The following KIAA0825 variants were observed in gnomAD, a reference collection of about 807,000 sequenced individuals.
KIAA0825 encodes the protein uncharacterized protein KIAA0825.
A neutral mutation model predicts 147.6 loss-of-function variants in KIAA0825; 119 were observed. The ratio of observed to expected loss-of-function variants is 0.81; its 90% CI spans 0.69 to 0.94. KIAA0825 has a LOEUF of 0.94. Ranked by LOEUF, KIAA0825 falls within the 40% of genes least tolerant of loss-of-function variation. The probability of loss-of-function intolerance (pLI) is 0.00; values close to 1 mark genes in which losing one functional copy is unlikely to be tolerated. For synonymous variants in KIAA0825, 470 were observed against 518.1 expected, an observed-to-expected ratio of 0.91 and a Z score of 1.26; for missense variants, 1,381 against 1,472.7, an observed-to-expected ratio of 0.94 and a Z score of 1.02.
At chr5:94,343,066 C>T (rs1260587224) in intron 20 of KIAA0825, among the ~76,000 whole-genome samples, 15 of 151,868 alleles carry the variant, frequency 9.9e-5, no homozygotes. Flanking sequence ...TTGCAGAAAA[C>T]AAGAGAACAG....
intron 1 of KIAA0825, among the ~76,000 whole-genome samples, chr5:94,597,764 T>A (rs1785571229): frequency 6.6e-6 from 1 of 152,190 alleles, no homozygotes; most frequent in Admixed American, 6.5e-5. Context: ...TAGGCTATAA[T>A]GGTATTGCTT....
intron 6 of KIAA0825, among the ~76,000 whole-genome samples, chr5:94,478,117 T>C (rs1331803113): frequency 6.6e-6 from 1 of 152,232 alleles, no homozygotes; most frequent in African/African-American, 2.4e-5. Context: ...ATCCAGTAGA[T>C]GCGTGTTTTC....
chr5:94,417,174 C>A (rs1753582518), intron 15 of KIAA0825, 27 bp downstream of exon 15: 2 of 1,542,128 alleles, frequency 1.3e-6, no homozygotes, highest in South Asian at 1.2e-5. Context: ...TAGAACATTT[C>A]TTTTACAAAC....
chr5:94,251,379 A>G (rs977174664), intron 20 of KIAA0825, among the ~76,000 whole-genome samples: 5 of 152,064 alleles, frequency 3.3e-5, no homozygotes, highest in African/African-American at 7.2e-5. Context: ...TGTTATCACA[A>G]CTTATGCCAC....
At chr5:94,323,372 G>C (rs1327414289) in intron 20 of KIAA0825, among the ~76,000 whole-genome samples, 2 of 151,958 alleles carry the variant, frequency 1.3e-5, no homozygotes, top group East Asian at 3.9e-4. Context: ...AAGGATGTCT[G>C]ATACAGAGAC....
intron 20 of KIAA0825, among the ~76,000 whole-genome samples, chr5:94,216,589 G>T (rs1773220418): frequency 6.6e-6 from 1 of 152,132 alleles, no homozygotes; most frequent in African/African-American, 2.4e-5. Context: ...ATACTAAAGG[G>T]CTTGGTCTAT....
intron 20 of KIAA0825, among the ~76,000 whole-genome samples, chr5:94,155,239 A>G (rs1766931545): frequency 7.4e-6 from 1 of 134,726 alleles, no homozygotes; most frequent in African/African-American, 2.8e-5. Context: ...TTTTTTTGAG[A>G]CAGGGTCTCC....
intron 20 of KIAA0825, among the ~76,000 whole-genome samples, chr5:94,193,095 G>C (rs1165583282): frequency 1.3e-5 from 2 of 152,048 alleles, no homozygotes; most frequent in Non-Finnish European, 2.9e-5. Context: ...CACAGAAAAG[G>C]GTAGGTCTCA....
rs571362009 is a variant in KIAA0825 at position 94,372,706 on chromosome 5, G to C, written c.3710+11662C>G. ...GGGACGGGCTGCCGTGAAGGTCTCT[G>C]ACATGCTCTGGAGACATTTTCTTCA... On this transcript the variant is annotated intron_variant, in intron 20 of 20. Transcript: ENST00000682413. Among the ~76,000 whole-genome samples the C allele has an allele frequency of 2.6e-5, 4 of 152,330 alleles. No homozygotes were observed. The South Asian group carries it at 8.3e-4, about 32-fold the overall frequency.
At chr5:94,573,978 A>C (rs1780481937) in intron 2 of KIAA0825, among the ~76,000 whole-genome samples, 2 of 152,222 alleles carry the variant, frequency 1.3e-5, no homozygotes. Context: ...CTTAGTCCTC[A>C]TAAATATTAC....
At chr5:94,597,822 T>A (rs761643586) in intron 1 of KIAA0825, among the ~76,000 whole-genome samples, 2 of 152,188 alleles carry the variant, frequency 1.3e-5, no homozygotes, top group Non-Finnish European at 2.9e-5. Context: ...GTACTAAATA[T>A]TGCAGGCAAT....
At chr5:94,373,275 TG>T (rs1746990509) in intron 20 of KIAA0825, among the ~76,000 whole-genome samples, 1 of 152,196 alleles carries the variant, frequency 6.6e-6, no homozygotes, top group South Asian at 2.1e-4. Flanking sequence ...TCCACATTTT[TG>T]GGGATGCTTA....
intron 5 of KIAA0825, among the ~76,000 whole-genome samples, chr5:94,486,288 A>T (rs1158541444): frequency 6.6e-6 from 1 of 152,086 alleles, no homozygotes; most frequent in Admixed American, 6.5e-5. Context: ...AAAACTGTAT[A>T]GGGTCTGACA....
At chr5:94,307,328 T>C (rs1778808200) in intron 20 of KIAA0825, among the ~76,000 whole-genome samples, 1 of 151,798 alleles carries the variant, frequency 6.6e-6, no homozygotes, top group Non-Finnish European at 1.5e-5. Flanking sequence ...CTCACTTTAG[T>C]TTTGGCTGCC....
At chr5:94,481,009 T>C (rs1032454197) in intron 6 of KIAA0825, among the ~76,000 whole-genome samples, 51 of 152,284 alleles carry the variant, frequency 3.3e-4, no homozygotes, top group Middle Eastern at 3.4e-3. Context: ...AATTTGGCAA[T>C]GTAAAACTCT....
intron 1 of KIAA0825, among the ~76,000 whole-genome samples, chr5:94,596,008 T>G (rs1194686947): frequency 6.6e-6 from 1 of 152,228 alleles, no homozygotes; most frequent in African/African-American, 2.4e-5. Flanking sequence ...GCCAGATGTA[T>G]AGTTTGCAAA....
At chr5:94,287,221 T>A (rs1370880159) in intron 20 of KIAA0825, among the ~76,000 whole-genome samples, 1 of 152,176 alleles carries the variant, frequency 6.6e-6, no homozygotes, top group Non-Finnish European at 1.5e-5. Context: ...CAGCTACAAA[T>A]ATGTGGATCA....
chr5:94,240,849 G>A (rs762541495), intron 20 of KIAA0825, among the ~76,000 whole-genome samples: 4 of 152,118 alleles, frequency 2.6e-5, no homozygotes, highest in Admixed American at 6.6e-5. Context: ...TAGCACTGAG[G>A]TAATAGTTCC....
chr5:94,541,400 T>A lies in KIAA0825; in HGVS notation c.-1-4273A>T, dbSNP rs568030766. Reference sequence around the variant, plus strand: ...CGCAAGGCCTGTAAGGAAAGTAGAATATGCTTTTGGTAAAAGATTATAGGA... The same window carrying A: ...CGCAAGGCCTGTAAGGAAAGTAGAAAATGCTTTTGGTAAAAGATTATAGGA... On this transcript the variant is annotated intron_variant, in intron 2 of 20. Coordinates refer to ENST00000682413, the MANE Select transcript of KIAA0825 (RefSeq NM_001145678.3). Among the ~76,000 whole-genome samples the A allele has an allele frequency of 2.0e-4, 30 of 152,366 alleles. 1 individual carries two copies. In the South Asian group the frequency reaches 6.0e-3, roughly 30 times the overall value.
Sources: gnomAD v4.1 joint callset for allele counts (sites outside exome capture counted in the v4.1 genomes callset) on GRCh38, gnomAD v4.1.1 for gene constraint, MANE v1.5 for transcripts, NCBI Gene and HGNC (gene_info 2026-07-23, HGNC 2026-07-21) for gene names.